Variants in ACSL3 observed in about 807,000 individuals in gnomAD.
ACSL3 encodes the protein acyl-CoA synthetase long chain family member 3.
In ACSL3, 34 loss-of-function variants were observed where a neutral mutation model predicts 84.7. The observed-to-expected ratio is 0.40, with a 90% CI of 0.31 to 0.53. The LOEUF is 0.53. ACSL3 is among the 20% of genes least tolerant of loss of function. The probability of loss-of-function intolerance (pLI) is 0.48; values close to 1 mark genes in which losing one functional copy is unlikely to be tolerated. For synonymous variants in ACSL3, 315 were observed against 299.4 expected (o/e 1.05, Z -0.54); for missense variants, 680 against 873.1 (o/e 0.78, Z 2.79).
intron 1 of ACSL3, among the ~76,000 whole-genome samples, chr2:222,865,409 G>T (rs1405691162): frequency 1.4e-4 from 22 of 152,134 alleles, no homozygotes; most frequent in Non-Finnish European, 1.5e-5. Context: ...GTTTGTGAAG[G>T]TATTTGTTAT....
chr2:222,926,174 A>G (rs771506655), intron 11 of ACSL3, among the ~76,000 whole-genome samples: 1 of 152,218 alleles, frequency 6.6e-6, no homozygotes, highest in Non-Finnish European at 1.5e-5. Context: ...CAATGAATTT[A>G]TATTGTATTA....
At chr2:222,924,180 G>T (rs1282453536) in intron 10 of ACSL3, among the ~76,000 whole-genome samples, 3 of 152,174 alleles carry the variant, frequency 2.0e-5, no homozygotes, top group African/African-American at 7.2e-5. Flanking sequence ...CAATTTATAT[G>T]AGTATCTAGA....
chr2:222,943,385 A>G lies in ACSL3; in HGVS notation c.*1731A>G, dbSNP rs910159575. The stretch of plus-strand genomic sequence containing the variant: ...GAGGATGCTGTGATCTAAAAATTAA[A>G]TCTCAGTGGGCGGAGAGAATTTGTT... On this transcript the variant is annotated 3_prime_UTR_variant, in exon 17 of 17. Transcript: ENST00000357430. 5.5e-6 allele frequency: 1 copy of G among 183,142 alleles called. No homozygotes were observed. The highest frequency in any genetic ancestry group is 2.3e-5 in the African/African-American group (1 of 42,554). The allele number at this position is 183,142 out of a possible 1,614,324, so 11.3% of individuals were successfully genotyped here. A position where few individuals can be genotyped will look rare whatever the true frequency, so the allele number is the denominator to read the frequency against.
intron 16 of ACSL3, among the ~76,000 whole-genome samples, chr2:222,937,753 A>G (rs1697211943): frequency 6.6e-6 from 1 of 152,100 alleles, no homozygotes. Context: ...CAGTTGGTCA[A>G]TCTGTATCTT....
At chr2:222,923,536 G>C (rs757430453) in intron 10 of ACSL3, among the ~76,000 whole-genome samples, 1 of 152,186 alleles carries the variant, frequency 6.6e-6, no homozygotes, top group Admixed American at 6.5e-5. Context: ...AGTCCTCAGG[G>C]AAAGTCTGGC....
At chr2:222,885,891 C>T (rs795880) in intron 1 of ACSL3, among the ~76,000 whole-genome samples, 77,646 of 151,656 alleles carry the variant, frequency 0.51, 20,512 homozygotes, top group East Asian at 0.76. Flanking sequence ...TATATGTGCA[C>T]GCCACCACAC....
chr2:222,940,411 G>T (rs992375004), intron 16 of ACSL3, among the ~76,000 whole-genome samples: 1 of 151,718 alleles, frequency 6.6e-6, no homozygotes, highest in African/African-American at 2.4e-5. Context: ...TTTATAGCTT[G>T]GTATGTATCC....
At chr2:222,871,463 G>A (rs756959566) in intron 1 of ACSL3, among the ~76,000 whole-genome samples, 2 of 152,098 alleles carry the variant, frequency 1.3e-5, no homozygotes, top group Admixed American at 6.6e-5. Context: ...TGAAAGATGT[G>A]TAAAGTGCTT....
intron 15 of ACSL3, chr2:222,933,706 G>C (rs1342768032): frequency 6.5e-6 from 1 of 153,736 alleles, no homozygotes; most frequent in Non-Finnish European, 1.4e-5. Context: ...AGGTCTTGGG[G>C]CTCCTATGTA....
At chr2:222,907,957 C>T (rs1696338259) in intron 3 of ACSL3, among the ~76,000 whole-genome samples, 1 of 152,030 alleles carries the variant, frequency 6.6e-6, no homozygotes, top group Non-Finnish European at 1.5e-5. Context: ...GGTTTATTTT[C>T]CTCATAACAT....
intron 2 of ACSL3, among the ~76,000 whole-genome samples, chr2:222,899,746 C>T (rs539432551): frequency 6.6e-6 from 1 of 152,244 alleles, no homozygotes; most frequent in East Asian, 1.9e-4. Flanking sequence ...TGCTCTGCTA[C>T]AGGGTTTGTG....
At chr2:222,887,614 T>C (rs994960675) in intron 1 of ACSL3, among the ~76,000 whole-genome samples, 1 of 152,214 alleles carries the variant, frequency 6.6e-6, no homozygotes, top group Non-Finnish European at 1.5e-5. Flanking sequence ...GCATTCTTAC[T>C]GGTGTGTAGT....
intron 1 of ACSL3, among the ~76,000 whole-genome samples, chr2:222,872,703 T>A (rs72955324): frequency 0.098 from 14,918 of 151,670 alleles, 814 homozygotes; most frequent in Non-Finnish European, 0.12. Context: ...GTGCCGAGGG[T>A]GGGGAACCAG....
At position 222,870,856 on chromosome 2, in the gene ACSL3, T is replaced by G. The variant is rs182577866; in HGVS notation, c.-207+9598T>G. Among the ~76,000 whole-genome samples the G allele has an allele frequency of 2.6e-3, 403 of 152,238 alleles. 2 individuals carry two copies. Among genetic ancestry groups the G allele is most frequent in the African/African-American group, 9.3e-3 (385 of 41,524 alleles). On this transcript the variant is annotated intron_variant, in intron 1 of 16. Coordinates refer to ENST00000357430, the MANE Select transcript of ACSL3 (RefSeq NM_004457.5). ...TTTGGAATTGTTTTTTATTCCTTCT[T>G]TTTTTTCCCCTTTTGGACAATGAGG...
chr2:222,872,876 A>G (rs2106085934), intron 1 of ACSL3, among the ~76,000 whole-genome samples: 1 of 152,238 alleles, frequency 6.6e-6, no homozygotes, highest in South Asian at 2.1e-4. Flanking sequence ...GGCTTTGGGG[A>G]AAATCCACAA....
intron 2 of ACSL3, among the ~76,000 whole-genome samples, chr2:222,896,567 G>A (rs1328500606): frequency 1.9e-4 from 2 of 10,358 alleles, no homozygotes; most frequent in East Asian, 0.019. Flanking sequence ...CTGGCCGGGC[G>A]GGGGGGCTGA....
intron 1 of ACSL3, among the ~76,000 whole-genome samples, chr2:222,866,084 A>ATAAAGGAT (rs1695130720): frequency 6.6e-6 from 1 of 152,204 alleles, no homozygotes. Context: ...GATAATAGCC[A>ATAAAGGAT]ACACCTTTAT....
At chr2:222,865,562 G>A (rs115364606) in intron 1 of ACSL3, among the ~76,000 whole-genome samples, 446 of 152,324 alleles carry the variant, frequency 2.9e-3, no homozygotes, top group Non-Finnish European at 4.5e-3. Context: ...ACAGCATGGT[G>A]GAACAGAAGA....
intron 1 of ACSL3, among the ~76,000 whole-genome samples, chr2:222,866,134 G>A (rs1199935571): frequency 6.6e-6 from 1 of 152,004 alleles, no homozygotes; most frequent in Non-Finnish European, 1.5e-5. Context: ...TTTTATCTCA[G>A]CCTTGCAAAA....
Sources: gnomAD v4.1 joint callset for allele counts (sites outside exome capture counted in the v4.1 genomes callset) on GRCh38, gnomAD v4.1.1 for gene constraint, MANE v1.5 for transcripts, NCBI Gene and HGNC (gene_info 2026-07-23, HGNC 2026-07-21) for gene names.